The following DNASE2B variants were observed in gnomAD, a reference collection of about 807,000 sequenced individuals.
DNASE2B encodes deoxyribonuclease-2-beta.
Under a neutral mutation model 46.0 loss-of-function variants are expected in DNASE2B, and 43 were observed. The ratio of observed to expected loss-of-function variants is 0.94; its 90% confidence interval spans 0.73 to 1.21. The LOEUF is 1.21. DNASE2B is among the 50% of genes most tolerant of loss of function. The pLI, the probability that DNASE2B is intolerant of heterozygous loss-of-function variation, is 0.00. For synonymous variants in DNASE2B, 156 were observed against 152.5 expected (o/e 1.02, Z -0.17); for missense variants, 395 against 414.4 (o/e 0.95, Z 0.41).
In DNASE2B at chr1:84,409,640, C is replaced by T. The variant is rs538544213; in HGVS notation, c.385+1122C>T. Among the ~76,000 whole-genome samples, 5 of 152,296 alleles carry T rather than the reference C, an allele frequency of 3.3e-5. No individual in the cohort carries two copies. The South Asian group carries it at 1.0e-3, about 32-fold the overall frequency. ...GTTGCTCTCCTGAATACCCTATTTA[C>T]TGGGAACCCAACAATTTTCATAACA... On this transcript the variant is annotated intron_variant, in intron 3 of 5. Transcript: ENST00000370665.
chr1:84,405,908 G>A (rs1680485040), intron 2 of DNASE2B, among the ~76,000 whole-genome samples: 1 of 152,164 alleles, frequency 6.6e-6, no homozygotes, highest in African/African-American at 2.4e-5. Context: ...GTTTGTATAT[G>A]TAAATTTTGA....
In DNASE2B at chr1:84,408,358, G is replaced by A. The variant is rs1680527407; in HGVS notation, c.304-79G>A. On this transcript the variant is annotated intron_variant, in intron 2 of 5. Coordinates refer to ENST00000370665, the MANE Select transcript of DNASE2B (RefSeq NM_021233.3). ...TATTAATGAAAGCAATGTATTGCAG[G>A]CTGGGTAGCTGGTAGAAATGTTGTG... The A allele has an allele frequency of 2.0e-6, 3 of 1,471,874 alleles. No homozygotes were observed. The East Asian group carries it at 7.7e-5, about 38-fold the overall frequency. The allele number at this position is 1,471,874 out of a possible 1,614,324, so 91.2% of individuals were successfully genotyped here. A position where few individuals can be genotyped will look rare whatever the true frequency, so the allele number is the denominator to read the frequency against.
At position 84,398,631 on chromosome 1, in the gene DNASE2B, G is replaced by C. The variant is rs1034366092; in HGVS notation, c.67G>C (p.Gly23Arg). The change falls in exon 1 of 6, where the codon GGG (glycine) becomes CGG (arginine). Residue 23 changes from glycine to arginine, a missense_variant. Physicochemically the swap from Gly to Arg is moderately radical, Grantham distance 125. Coordinates refer to ENST00000370665, the MANE Select transcript of DNASE2B (RefSeq NM_021233.3). ...SFALLFLGLF[G>R]VLGAATISCR... ...TGCTTTGCTCTTCCTTGGCCTCTTTGGGGTGCTGGGGGCAGCAACAATTTC... is the reference window on the plus strand; with the variant it reads ...TGCTTTGCTCTTCCTTGGCCTCTTTCGGGTGCTGGGGGCAGCAACAATTTC... The C allele has an allele frequency of 1.2e-6, 2 of 1,613,874 alleles. No individual in the cohort carries two copies. Among genetic ancestry groups the C allele is most frequent in the Non-Finnish European group, 1.7e-6 (2 of 1,179,816 alleles).
rs771855021 is a variant in DNASE2B at position 84,414,716 on chromosome 1, C to G, written c.934C>G (p.Gln312Glu). 1 of 1,614,006 alleles carries G rather than the reference C, an allele frequency of 6.2e-7. No individual in the cohort carries two copies. The highest frequency in any genetic ancestry group is 8.5e-7 in the Non-Finnish European group (1 of 1,180,012). Residue 312 changes from glutamine (Q) to glutamate (E), a missense_variant, in exon 6 of 6, where the codon CAA (glutamine) becomes GAA (glutamate). By Grantham distance (29) the Gln-to-Glu change is conservative. Coordinates refer to ENST00000370665, the MANE Select transcript of DNASE2B (RefSeq NM_021233.3). ...AGATCATGCCAAGTGGTGTATTTCC[C>G]AAAAGGGCACCAAAAATCGCTGGAC... is the stretch of plus-strand genomic sequence containing the variant. ...YQDHAKWCIS[Q>E]KGTKNRWTCI...
chr1:84,405,580 G>A (rs1040564845), intron 2 of DNASE2B, among the ~76,000 whole-genome samples: 1 of 152,118 alleles, frequency 6.6e-6, no homozygotes, highest in Non-Finnish European at 1.5e-5. Flanking sequence ...CTCAGTATAG[G>A]TCCTACGGTT....
intron 2 of DNASE2B, among the ~76,000 whole-genome samples, chr1:84,407,127 C>A (rs1314701434): frequency 1.3e-5 from 2 of 152,174 alleles, no homozygotes; most frequent in Non-Finnish European, 2.9e-5. Flanking sequence ...TTCCCTTTAT[C>A]AATAGCCTCT....
intron 2 of DNASE2B, among the ~76,000 whole-genome samples, chr1:84,405,800 A>G (rs1293793129): frequency 6.6e-6 from 1 of 152,218 alleles, no homozygotes; most frequent in Admixed American, 6.5e-5. Context: ...ACAGTAGTAC[A>G]GTATTACTAC....
intron 2 of DNASE2B, among the ~76,000 whole-genome samples, chr1:84,404,745 C>A (rs537807867): frequency 6.6e-6 from 1 of 152,160 alleles, no homozygotes; most frequent in African/African-American, 2.4e-5. Flanking sequence ...ATCACTGGAA[C>A]CAATTTAGAA....
chr1:84,400,099 T>C (rs1171203379), intron 1 of DNASE2B, among the ~76,000 whole-genome samples: 2 of 152,178 alleles, frequency 1.3e-5, no homozygotes, highest in African/African-American at 2.4e-5. Flanking sequence ...CCAGGCGTGG[T>C]GGCTCACGCC....
rs751888980 is a variant in DNASE2B, at chr1:84,414,746, A to G, written c.964A>G (p.Ile322Val). 3.7e-6 allele frequency: 6 copies of G among 1,614,090 alleles called. No individual in the cohort carries two copies. The highest frequency in any genetic ancestry group is 1.3e-5 in the African/African-American group (1 of 74,938). The change falls in exon 6 of 6, where the codon ATT becomes GTT. Residue 322 changes from isoleucine (I) to valine (V), a missense_variant. Transcript: ENST00000370665. ...QKGTKNRWTC[I>V]GDLNRSPHQA... Reference sequence around the variant, plus strand: ...GGGCACCAAAAATCGCTGGACATGTATTGGAGACCTAAATCGGAGTCCACA... The same window carrying G: ...GGGCACCAAAAATCGCTGGACATGTGTTGGAGACCTAAATCGGAGTCCACA...
chr1:84,410,776 A>T, intron 3 of DNASE2B, 62 bp from the exon 4 acceptor site: 1 of 1,530,550 alleles, frequency 6.5e-7, no homozygotes, highest in Non-Finnish European at 8.8e-7. Context: ...TGCCACTGTG[A>T]ACCCTATTAT....
In DNASE2B at chr1:84,408,614, T is replaced by C. The variant is rs1459273723; in HGVS notation, c.385+96T>C. 1.0e-5 allele frequency: 10 copies of C among 970,388 alleles called. No individual in the cohort carries two copies. The Admixed American group carries it at 2.6e-4, about 25-fold the overall frequency. The allele number at this position is 970,388 out of a possible 1,614,324, so 60.1% of individuals were successfully genotyped here. A position where few individuals can be genotyped will look rare whatever the true frequency, so the allele number is the denominator to read the frequency against. ...ATCCTTATATTCCATACTAAATAGA[T>C]AGCCTTTCTTCTTAATAGTTTATTT... On this transcript the variant is annotated intron_variant, in intron 3 of 5. Coordinates refer to ENST00000370665, the MANE Select transcript of DNASE2B (RefSeq NM_021233.3).
chr1:84,399,496 T>C (rs1277376720), intron 1 of DNASE2B, among the ~76,000 whole-genome samples: 1 of 152,172 alleles, frequency 6.6e-6, no homozygotes, highest in Admixed American at 6.5e-5. Context: ...AGTTATGTGG[T>C]AAGGGCATAG....
intron 3 of DNASE2B, 92 bp from the exon 4 acceptor site, chr1:84,410,746 G>C: frequency 4.1e-6 from 5 of 1,232,696 alleles, no homozygotes; most frequent in Non-Finnish European, 5.6e-6. Context: ...CTAGTCTGAA[G>C]CATAAATGGG....
chr1:84,399,444 T>C (rs946644428), intron 1 of DNASE2B, among the ~76,000 whole-genome samples: 12 of 152,182 alleles, frequency 7.9e-5, no homozygotes, highest in African/African-American at 2.9e-4. Flanking sequence ...TTTGAAAATA[T>C]AAATATGAAC....
At chr1:84,403,480 A>G (rs374628348) in intron 2 of DNASE2B, among the ~76,000 whole-genome samples, 26 of 152,192 alleles carry the variant, frequency 1.7e-4, no homozygotes, top group South Asian at 1.7e-3. Context: ...ATGGATCATC[A>G]TAAGTGTCTT....
At chr1:84,401,425 T>C (rs777720724) in intron 1 of DNASE2B, among the ~76,000 whole-genome samples, 2 of 152,204 alleles carry the variant, frequency 1.3e-5, no homozygotes, top group Non-Finnish European at 2.9e-5. Context: ...GCCTACTTAA[T>C]TACTTGGTTT....
At chr1:84,412,575 C>G in intron 5 of DNASE2B, 29 bp downstream of exon 5, 1 of 1,544,004 alleles carries the variant, frequency 6.5e-7, no homozygotes, top group Non-Finnish European at 8.8e-7. Flanking sequence ...AAACAACATG[C>G]TGTATAATTC....
chr1:84,399,375 C>T (rs981916476), intron 1 of DNASE2B, among the ~76,000 whole-genome samples: 14 of 152,206 alleles, frequency 9.2e-5, no homozygotes, highest in African/African-American at 3.4e-4. Context: ...CACAGATATA[C>T]TCAAGGCAGT....
Sources: gnomAD v4.1 joint callset for allele counts (sites outside exome capture counted in the v4.1 genomes callset) on GRCh38, gnomAD v4.1.1 for gene constraint, MANE v1.5 for transcripts, NCBI Gene and HGNC (gene_info 2026-07-23, HGNC 2026-07-21) for gene names.